NFKBIB: variants seen among roughly 807,000 people sequenced by gnomAD.
NFKBIB encodes NFKB inhibitor beta, also known as NF-kappa-B inhibitor beta.
Under a neutral mutation model 32.1 loss-of-function variants are expected in NFKBIB, and 16 were observed. That is an observed-to-expected ratio of 0.50 (90% confidence interval 0.34 to 0.76). The LOEUF (loss-of-function observed/expected upper bound fraction) is 0.76. NFKBIB is among the 30% of genes least tolerant of loss of function. The pLI, the probability that NFKBIB is intolerant of heterozygous loss-of-function variation, is 0.01. For synonymous variants in NFKBIB, 222 were observed against 219.5 expected (o/e 1.01, Z -0.10); for missense variants, 437 against 514.9 (o/e 0.85, Z 1.46).
rs1255749153 is a variant in NFKBIB at position 38,905,804 on chromosome 19, C to CG, written c.619+272dup. Among the ~76,000 whole-genome samples, 1 of 152,100 alleles carries CG rather than the reference C, an allele frequency of 6.6e-6. No homozygotes were observed. Among genetic ancestry groups the CG allele is most frequent in the Non-Finnish European group, 1.5e-5 (1 of 68,008 alleles). On this transcript the variant is annotated intron_variant, in intron 3 of 5. Transcript: ENST00000313582. This position sits in a 1 kb window ranked among gnomAD's most constrained non-coding sequence, Gnocchi z 5.5. ...CCCAGAGCTGCCAGGATCCAGTTGTCGGGCCCCCGGGCTCCCCACCTGCAG... is the reference window on the plus strand; with the variant it reads ...CCCAGAGCTGCCAGGATCCAGTTGTCGGGGCCCCCGGGCTCCCCACCTGCAG...
intron 5 of NFKBIB, chr19:38,907,991 A>G (rs3136644): frequency 0.18 from 207,643 of 1,167,594 alleles, 19,591 homozygotes; most frequent in East Asian, 0.38. Context: ...GAGAACTCAC[A>G]CTGCGAAAAG....
chr19:38,899,754 G>C, upstream of NFKBIB: 1 of 711,848 alleles, frequency 1.4e-6, no homozygotes, highest in South Asian at 1.7e-5. Context: ...GAAAGCGCGC[G>C]AGGACCGGAC....
intron 3 of NFKBIB, among the ~76,000 whole-genome samples, chr19:38,906,475 T>G (rs1054306446): frequency 2.8e-5 from 4 of 141,534 alleles, no homozygotes; most frequent in Admixed American, 7.0e-5. Context: ...GGTTTTTTTT[T>G]TTTTTTTTTT....
chr19:38,899,698 C>G, upstream of NFKBIB: 1 of 914,252 alleles, frequency 1.1e-6, no homozygotes. Flanking sequence ...ACATTGCGGC[C>G]GCAGACGCGC....
chr19:38,901,221 G>A (rs1022914783), intron 1 of NFKBIB, among the ~76,000 whole-genome samples: 3 of 148,900 alleles, frequency 2.0e-5, no homozygotes, highest in Admixed American at 1.3e-4. Context: ...TTATAGTCTC[G>A]TTAATTTTCA....
intron 1 of NFKBIB, among the ~76,000 whole-genome samples, chr19:38,902,074 T>A (rs1165067991): frequency 8.2e-6 from 1 of 122,178 alleles, no homozygotes; most frequent in South Asian, 3.0e-4. Flanking sequence ...ATAGTGTTTT[T>A]CATTTTATTT....
intron 5 of NFKBIB, 132 bp from the exon 6 acceptor site, chr19:38,908,599 G>C: frequency 1.4e-6 from 2 of 1,384,692 alleles, no homozygotes; most frequent in Non-Finnish European, 1.9e-6. Context: ...AGGAAACTGG[G>C]AGGTTGAGCC....
intron 3 of NFKBIB, among the ~76,000 whole-genome samples, chr19:38,906,111 G>C (rs1305352981): frequency 1.3e-5 from 2 of 149,518 alleles, no homozygotes; most frequent in African/African-American, 5.0e-5. Flanking sequence ...CAGGTCACAG[G>C]CTTTTCAGCT....
At position 38,905,316 on chromosome 19, in the gene NFKBIB, G is replaced by A. The variant is rs1295885000; in HGVS notation, c.400G>A (p.Ala134Thr). 5 of 1,608,932 alleles carry A rather than the reference G, an allele frequency of 3.1e-6. No individual in the cohort carries two copies. In the South Asian group the frequency reaches 3.3e-5, roughly 11 times the overall value. Residue 134 changes from alanine (A) to threonine (T), a missense_variant, in exon 3 of 6, where the codon GCC becomes ACC. Transcript: ENST00000313582. The surrounding 1 kb of genome is among the most constrained non-coding windows in gnomAD (Gnocchi z 5.5). The stretch of plus-strand genomic sequence containing the variant: ...TAGGGGCCACACGGCGCTGCACCTG[G>A]CCTGCCGTGTGGGGGCACACGCCTG... ...ERRGHTALHLACRVGAHACAR... is the reference protein window; with the variant it reads ...ERRGHTALHLTCRVGAHACAR...
intron 5 of NFKBIB, chr19:38,908,139 G>A (rs933580990): frequency 1.8e-5 from 18 of 1,001,632 alleles, no homozygotes; most frequent in South Asian, 4.5e-5. Flanking sequence ...TGATGGGTGC[G>A]GAGGAATTTG....
chr19:38,908,538 TAAA>T (rs56371900), intron 5 of NFKBIB, 190 bp from the exon 6 acceptor site: 2,686 of 1,072,818 alleles, frequency 2.5e-3, no homozygotes, highest in South Asian at 5.4e-3. Flanking sequence ...GACTCCATCT[TAAA>T]AAAAAAAAAA....
At position 38,907,552 on chromosome 19, in the gene NFKBIB, A is replaced by G. The variant is rs1391964176; in HGVS notation, c.862A>G (p.Ile288Val). The G allele has an allele frequency of 6.2e-7, 1 of 1,612,316 alleles. No individual in the cohort carries two copies. The highest frequency in any genetic ancestry group is 8.5e-7 in the Non-Finnish European group (1 of 1,179,680). Residue 288 changes from isoleucine (I) to valine (V), a missense_variant, in exon 5 of 6, where the codon ATC becomes GTC. By Grantham distance (29) the Ile-to-Val change is conservative. Transcript: ENST00000313582. ...LGSAMLRPNP[I>V]LARLLRAHGA... ...CAGTGCCATGCTCCGGCCCAACCCCATCCTCGCCCGCCTCCTCCGTGCACA... is the reference window on the plus strand; with the variant it reads ...CAGTGCCATGCTCCGGCCCAACCCCGTCCTCGCCCGCCTCCTCCGTGCACA...
chr19:38,904,676 G>A (rs1974059331), intron 1 of NFKBIB, among the ~76,000 whole-genome samples: 1 of 152,042 alleles, frequency 6.6e-6, no homozygotes, highest in South Asian at 2.1e-4. Flanking sequence ...GTCTTTCAGG[G>A]GTCACTGTGA....
At chr19:38,901,549 A>G (rs1056515641) in intron 1 of NFKBIB, among the ~76,000 whole-genome samples, 5 of 151,462 alleles carry the variant, frequency 3.3e-5, no homozygotes, top group African/African-American at 9.8e-5. Flanking sequence ...GCTGGAGTAT[A>G]GTGGCACTAT....
At chr19:38,902,080 TA>T in intron 1 of NFKBIB, among the ~76,000 whole-genome samples, 1 of 112,706 alleles carries the variant, frequency 8.9e-6, no homozygotes, top group Non-Finnish European at 1.9e-5. Flanking sequence ...TTTTTCATTT[TA>T]TTTCTTTTTT....
In NFKBIB at chr19:38,905,041, A is replaced by G. The variant is rs769713276; in HGVS notation, c.206A>G (p.Gln69Arg). The G allele has an allele frequency of 6.2e-7, 1 of 1,614,164 alleles. No homozygotes were observed. The highest frequency in any genetic ancestry group is 8.5e-7 in the Non-Finnish European group (1 of 1,180,016). ...GCACTGCACTTGGCTGTGATTCATC[A>G]GCATGAACCCTTCCTGGATTTTCTT... Reference protein sequence around the residue: ...DTALHLAVIHQHEPFLDFLLG... With the variant: ...DTALHLAVIHRHEPFLDFLLG... Residue 69 changes from glutamine to arginine, a missense_variant, in exon 2 of 6, where the codon CAG (glutamine) becomes CGG (arginine). Physicochemically the swap from Gln to Arg is conservative, Grantham distance 43. Transcript: ENST00000313582. The surrounding 1 kb of genome is among the most constrained non-coding windows in gnomAD (Gnocchi z 5.5).
chr19:38,907,668 G>A lies in NFKBIB; in HGVS notation c.969+9G>A, dbSNP rs1974184633. The A allele has an allele frequency of 6.3e-7, 1 of 1,593,810 alleles. No homozygotes were observed. The highest frequency in any genetic ancestry group is 1.3e-5 in the African/African-American group (1 of 74,660). ...ACAGCGGAGACGAGGGCGTGAGTCA[G>A]GAGGAGAGACAGGGCAGCCCAGCTG... is the stretch of plus-strand genomic sequence containing the variant. On this transcript the variant is annotated intron_variant, in intron 5 of 5. Coordinates refer to ENST00000313582, the MANE Select transcript of NFKBIB (RefSeq NM_002503.5).
At position 38,907,308 on chromosome 19, in the gene NFKBIB, C is replaced by T. The variant is rs528161401; in HGVS notation, c.707C>T (p.Pro236Leu). Residue 236 changes from proline to leucine, a missense_variant and splice_region_variant, in exon 4 of 6, where the codon CCG becomes CTG. Pro to Leu is a moderately conservative substitution (Grantham distance 98, BLOSUM62 -3). Transcript: ENST00000313582. Reference sequence around the variant, plus strand: ...GATGCTGGAGCTGACCTTGACAAACCGGTGAGCCCCAACCTCGGGGAAGAT... The same window carrying T: ...GATGCTGGAGCTGACCTTGACAAACTGGTGAGCCCCAACCTCGGGGAAGAT... ...LRDAGADLDK[P>L]EPTCGRSPLH... 4.0e-5 allele frequency: 65 copies of T among 1,612,732 alleles called. 1 individual carries two copies. In the Middle Eastern group the frequency reaches 1.2e-3, roughly 29 times the overall value.
chr19:38,904,136 G>C lies in NFKBIB; in HGVS notation c.180-879G>C, dbSNP rs373967675. Among the ~76,000 whole-genome samples, 18 of 150,758 alleles carry C rather than the reference G, an allele frequency of 1.2e-4. No homozygotes were observed. The East Asian group carries it at 3.1e-3, about 26-fold the overall frequency. On this transcript the variant is annotated intron_variant, in intron 1 of 5. Transcript: ENST00000313582. ...ATAAATATTCTTGAATATTATTCTG[G>C]GATGGAGTTAAATTACTCGGAAGTA... is the stretch of plus-strand genomic sequence containing the variant.
Sources: gnomAD v4.1 joint callset for allele counts (sites outside exome capture counted in the v4.1 genomes callset) on GRCh38, gnomAD v4.1.1 for gene constraint, Gnocchi (gnomAD v3.1) non-coding constraint, MANE v1.5 for transcripts, NCBI Gene and HGNC (gene_info 2026-07-23, HGNC 2026-07-21) for gene names.